The following RANBP2 variants were observed in gnomAD, a reference collection of about 807,000 sequenced individuals.
RANBP2 encodes E3 SUMO-protein ligase RanBP2.
Under a neutral mutation model 303.6 loss-of-function variants are expected in RANBP2, and 57 were observed. The observed-to-expected ratio is 0.19, with a 90% CI of 0.15 to 0.23. RANBP2 has a LOEUF of 0.23. RANBP2 is among the 10% of genes least tolerant of loss of function. RANBP2 has a pLI of 1.00. For missense variants in RANBP2, 3,138 were observed against 3,780.8 expected, an observed-to-expected ratio of 0.83 and a Z score of 4.46; for synonymous variants, 1,167 against 1,301.5, an observed-to-expected ratio of 0.90 and a Z score of 2.23.
At chr2:109,127,114 A>C in the RANBP2 span, among the ~76,000 whole-genome samples, 1 of 152,222 alleles carries the variant, frequency 6.6e-6, no homozygotes, top group Non-Finnish European at 1.5e-5. Flanking sequence ...GTTGGCGCTG[A>C]TGTAAATCAT....
At chr2:109,490,112 T>C in the RANBP2 span, among the ~76,000 whole-genome samples, 1 of 152,242 alleles carries the variant, frequency 6.6e-6, no homozygotes, top group African/African-American at 2.4e-5. Context: ...AGTTTCCTGA[T>C]GGAACCATTC....
the RANBP2 span, among the ~76,000 whole-genome samples, chr2:109,392,142 A>T: frequency 1.3e-5 from 2 of 152,224 alleles, no homozygotes; most frequent in Admixed American, 6.5e-5. Flanking sequence ...TTAAAGACCC[A>T]CATTTGAATC....
Position 108,724,404 on chromosome 2 carries a change from A to G in RANBP2, c.72+4726A>G, listed in dbSNP as rs1694528855. On this transcript the variant is annotated intron_variant, in intron 1 of 28. Coordinates refer to ENST00000283195, the MANE Select transcript of RANBP2 (RefSeq NM_006267.5). ...TCTTGAAACTAATGGTATGTCTTTA[A>G]AATGTCTTTACTTAATTTAGTTGAT... 2.0e-5 allele frequency among the ~76,000 whole-genome samples: 3 copies of G among 152,158 alleles called. No individual in the cohort carries two copies. The South Asian group carries it at 6.2e-4, about 32-fold the overall frequency.
chr2:109,729,661 A>G, the RANBP2 span, among the ~76,000 whole-genome samples: 2 of 152,176 alleles, frequency 1.3e-5, no homozygotes, highest in African/African-American at 4.8e-5. Flanking sequence ...ATTAAAAACA[A>G]AAACAAAAAC....
the RANBP2 span, among the ~76,000 whole-genome samples, chr2:109,324,965 A>G: frequency 5.9e-5 from 9 of 152,308 alleles, no homozygotes; most frequent in African/African-American, 1.2e-4. Flanking sequence ...GACAAATACA[A>G]TCACACAGTT....
At chr2:109,108,033 G>A in the RANBP2 span, among the ~76,000 whole-genome samples, 3 of 152,332 alleles carry the variant, frequency 2.0e-5, no homozygotes, top group South Asian at 4.1e-4. Flanking sequence ...AGCCTCCTGA[G>A]TAGCTGGGAC....
the RANBP2 span, among the ~76,000 whole-genome samples, chr2:109,555,949 T>C: frequency 6.6e-6 from 1 of 152,230 alleles, no homozygotes; most frequent in Non-Finnish European, 1.5e-5. Flanking sequence ...TTCCAAGCAC[T>C]GCCATGGCAT....
chr2:108,800,169 C>T, the RANBP2 span, among the ~76,000 whole-genome samples: 1 of 152,142 alleles, frequency 6.6e-6, no homozygotes, highest in Admixed American at 6.6e-5. Flanking sequence ...TCAAGACCTT[C>T]TGGTTAATGC....
At chr2:109,170,016 A>G in the RANBP2 span, among the ~76,000 whole-genome samples, 177 of 152,298 alleles carry the variant, frequency 1.2e-3, no homozygotes, top group African/African-American at 4.1e-3. Flanking sequence ...ATAGTCCTTT[A>G]TCTTCATATG....
At chr2:109,424,075 C>T in the RANBP2 span, among the ~76,000 whole-genome samples, 68 of 152,274 alleles carry the variant, frequency 4.5e-4, no homozygotes, top group South Asian at 8.3e-4. Context: ...CCACCGGTAC[C>T]GGCATTGTCT....
At chr2:109,335,445 T>G in the RANBP2 span, among the ~76,000 whole-genome samples, 1 of 152,156 alleles carries the variant, frequency 6.6e-6, no homozygotes, top group Non-Finnish European at 1.5e-5. Context: ...CCACCTCCTC[T>G]CTGCCCCTCA....
At chr2:109,312,901 G>C in the RANBP2 span, among the ~76,000 whole-genome samples, 1 of 152,118 alleles carries the variant, frequency 6.6e-6, no homozygotes, top group Admixed American at 6.5e-5. Context: ...GGACTTGCTG[G>C]GTCACGTGGT....
At chr2:109,321,059 AC>A in the RANBP2 span, among the ~76,000 whole-genome samples, 1,557 of 152,302 alleles carry the variant, frequency 0.01, 31 homozygotes, top group African/African-American at 0.035. Flanking sequence ...TAACTTATAG[AC>A]ATGTAAGTAA....
chr2:109,277,201 C>T, the RANBP2 span, among the ~76,000 whole-genome samples: 4 of 152,170 alleles, frequency 2.6e-5, no homozygotes, highest in East Asian at 7.7e-4. Context: ...ATTTCAGTCG[C>T]ATCTGTGCCT....
chr2:109,694,801 ATGTGTGTGTGTGTGTGTGTGTGTG>A, the RANBP2 span, among the ~76,000 whole-genome samples: 1 of 146,222 alleles, frequency 6.8e-6, no homozygotes, highest in South Asian at 2.2e-4. Flanking sequence ...ATCCATAGGG[ATGTGTGTGTGTGTGTGTGTGTGTG>A]TGTGTGTGTG....
At chr2:109,014,893 G>A in the RANBP2 span, among the ~76,000 whole-genome samples, 3 of 152,124 alleles carry the variant, frequency 2.0e-5, no homozygotes, top group South Asian at 2.1e-4. Flanking sequence ...AGGCCCAGGT[G>A]GGCGGATCAC....
chr2:109,653,149 G>A, the RANBP2 span, among the ~76,000 whole-genome samples: 1 of 151,934 alleles, frequency 6.6e-6, no homozygotes, highest in Non-Finnish European at 1.5e-5. Context: ...GTAATCCGAG[G>A]ACTTCGGGAG....
At chr2:109,418,739 A>G in the RANBP2 span, among the ~76,000 whole-genome samples, 1 of 152,180 alleles carries the variant, frequency 6.6e-6, no homozygotes, top group African/African-American at 2.4e-5. Context: ...AGAGGTACAC[A>G]GGTCAGACCC....
At chr2:108,932,299 C>T in the RANBP2 span, among the ~76,000 whole-genome samples, 2 of 151,888 alleles carry the variant, frequency 1.3e-5, no homozygotes, top group Non-Finnish European at 2.9e-5. Context: ...GAGGCTGAGA[C>T]GGGCGGATCA....
Sources: allele counts gnomAD v4.1 joint callset (sites outside exome capture counted in the v4.1 genomes callset), GRCh38; gene constraint gnomAD v4.1.1; transcripts MANE v1.5; gene names NCBI Gene and HGNC (gene_info 2026-07-23, HGNC 2026-07-21).